SPON1: variants seen among roughly 807,000 people sequenced by gnomAD.
SPON1 encodes spondin-1.
SPON1 carries 52 observed loss-of-function variants against 111.7 expected under a neutral mutation model. That is an observed-to-expected ratio of 0.47 (90% CI 0.37 to 0.59). The LOEUF is 0.59. SPON1 is among the 20% of genes least tolerant of loss of function. The pLI, the probability that SPON1 is intolerant of heterozygous loss-of-function variation, is 0.00. For missense variants in SPON1, 957 were observed against 1,068.5 expected, an observed-to-expected ratio of 0.90 and a Z score of 1.46; for synonymous variants, 410 against 395.8, an observed-to-expected ratio of 1.04 and a Z score of -0.43.
At chr11:14,174,719 C>T (rs1290017173) in intron 6 of SPON1, among the ~76,000 whole-genome samples, 3 of 151,846 alleles carry the variant, frequency 2.0e-5, no homozygotes, top group Non-Finnish European at 4.4e-5. Flanking sequence ...GAAGAAAAAA[C>T]CTTTTTCCAG....
At chr11:14,090,636 G>C (rs1443199790) in intron 5 of SPON1, among the ~76,000 whole-genome samples, 3 of 151,884 alleles carry the variant, frequency 2.0e-5, no homozygotes, top group Non-Finnish European at 4.4e-5. Context: ...CTCGTGGTCT[G>C]GCTGGGCTCA....
intron 3 of SPON1, among the ~76,000 whole-genome samples, chr11:14,072,514 G>A (rs868933885): frequency 4.6e-5 from 7 of 151,912 alleles, no homozygotes; most frequent in South Asian, 2.1e-4. Flanking sequence ...GGGTGATTCC[G>A]GAGAGGAGGC....
chr11:14,043,805 C>T (rs1246346119), intron 3 of SPON1, among the ~76,000 whole-genome samples: 3 of 152,210 alleles, frequency 2.0e-5, no homozygotes, highest in Admixed American at 6.5e-5. Context: ...TAACAATCAA[C>T]GTTATGTGTA....
At chr11:14,115,201 GC>G in intron 5 of SPON1, among the ~76,000 whole-genome samples, 1 of 152,176 alleles carries the variant, frequency 6.6e-6, no homozygotes, top group Non-Finnish European at 1.5e-5. Flanking sequence ...GCCAGAGTGA[GC>G]CTGGAGAGAC....
chr11:13,981,732 G>A (rs1848146294), intron 1 of SPON1, among the ~76,000 whole-genome samples: 1 of 152,232 alleles, frequency 6.6e-6, no homozygotes, highest in Non-Finnish European at 1.5e-5. Flanking sequence ...CACAACATAA[G>A]TTTATTTCCA....
At chr11:14,071,485 A>G (rs921275840) in intron 3 of SPON1, among the ~76,000 whole-genome samples, 1 of 152,044 alleles carries the variant, frequency 6.6e-6, no homozygotes, top group Non-Finnish European at 1.5e-5. Context: ...CAGAGTTACA[A>G]TGCCCTATGT....
chr11:14,123,602 C>T (rs142047628), intron 5 of SPON1, among the ~76,000 whole-genome samples: 1 of 152,298 alleles, frequency 6.6e-6, no homozygotes, highest in East Asian at 1.9e-4. Context: ...TGTAAAGTGT[C>T]ACCCTGCACA....
At chr11:14,158,749 T>C (rs1847877308) in intron 6 of SPON1, among the ~76,000 whole-genome samples, 1 of 152,150 alleles carries the variant, frequency 6.6e-6, no homozygotes, top group African/African-American at 2.4e-5. Context: ...TTTTTTGTAG[T>C]TGTTCTTGGG....
intron 5 of SPON1, among the ~76,000 whole-genome samples, chr11:14,088,033 T>C (rs554706660): frequency 1.3e-5 from 2 of 152,266 alleles, no homozygotes; most frequent in South Asian, 4.2e-4. Context: ...CCTTTGCATG[T>C]GAGATGGGTC....
chr11:14,164,698 G>A (rs1184040336), intron 6 of SPON1, among the ~76,000 whole-genome samples: 1 of 152,140 alleles, frequency 6.6e-6, no homozygotes, highest in Non-Finnish European at 1.5e-5. Context: ...TGCAGAGTTG[G>A]CCATGCAGGA....
intron 6 of SPON1, among the ~76,000 whole-genome samples, chr11:14,142,351 G>A (rs1847666192): frequency 6.6e-6 from 1 of 152,172 alleles, no homozygotes; most frequent in Non-Finnish European, 1.5e-5. Flanking sequence ...TCCAGAGGAT[G>A]AGGCCACAAC....
At chr11:14,090,426 C>T (rs192945436) in intron 5 of SPON1, among the ~76,000 whole-genome samples, 2 of 152,160 alleles carry the variant, frequency 1.3e-5, no homozygotes, top group Non-Finnish European at 2.9e-5. Context: ...AATGAAGCCG[C>T]GGACCCTCGT....
intron 3 of SPON1, among the ~76,000 whole-genome samples, chr11:14,054,726 T>C (rs1340084963): frequency 9.9e-5 from 15 of 152,152 alleles, no homozygotes; most frequent in Non-Finnish European, 1.9e-4. Flanking sequence ...CAATCCCAGA[T>C]GAAAGCCACA....
Position 14,252,486 on chromosome 11 carries a change from A to G in SPON1, c.891-2042A>G, listed in dbSNP as rs1057466525. On this transcript the variant is annotated intron_variant, in intron 7 of 15. Coordinates refer to ENST00000576479, the MANE Select transcript of SPON1 (RefSeq NM_006108.4). The stretch of plus-strand genomic sequence containing the variant: ...TCAGCCGAAGGCAAGACCTGCGCAG[A>G]GTGTGGGAATCCAGCGCTATGTACT... Among the ~76,000 whole-genome samples, 4 of 140,948 alleles carry G rather than the reference A, an allele frequency of 2.8e-5. No individual in the cohort carries two copies. The South Asian group carries it at 9.6e-4, about 34-fold the overall frequency. 92.5% of individuals were successfully genotyped at this position (140,948 alleles called of 152,430 possible). A position where few individuals can be genotyped will look rare whatever the true frequency, so the allele number is the denominator to read the frequency against.
intron 5 of SPON1, 115 bp downstream of exon 5, chr11:14,080,136 C>A: frequency 8.4e-7 from 1 of 1,196,826 alleles, no homozygotes; most frequent in South Asian, 1.4e-5. Flanking sequence ...TTGGCTGGTT[C>A]ATGAAATGCA....
chr11:13,979,664 T>C (rs782168999), intron 1 of SPON1, among the ~76,000 whole-genome samples: 15 of 152,170 alleles, frequency 9.9e-5, no homozygotes, highest in Non-Finnish European at 1.8e-4. Context: ...AGCTGGACCT[T>C]TCATCTTAGG....
chr11:14,126,659 T>TA (rs1410736047), intron 5 of SPON1, among the ~76,000 whole-genome samples: 1 of 152,202 alleles, frequency 6.6e-6, no homozygotes, highest in Non-Finnish European at 1.5e-5. Context: ...GCCATGTCCT[T>TA]ACCTGAAAGC....
At chr11:14,049,732 C>T (rs1848694722) in intron 3 of SPON1, among the ~76,000 whole-genome samples, 1 of 152,106 alleles carries the variant, frequency 6.6e-6, no homozygotes, top group South Asian at 2.1e-4. Flanking sequence ...AACTGAAATC[C>T]AGAAAGCTCT....
intron 6 of SPON1, among the ~76,000 whole-genome samples, chr11:14,150,368 A>G (rs1315328135): frequency 6.6e-6 from 1 of 151,926 alleles, no homozygotes; most frequent in African/African-American, 2.4e-5. Flanking sequence ...TTGCAACTAG[A>G]TAGAAGGAAT....
Sources: gnomAD v4.1 joint callset for allele counts (sites outside exome capture counted in the v4.1 genomes callset) on GRCh38, gnomAD v4.1.1 for gene constraint, MANE v1.5 for transcripts, NCBI Gene and HGNC (gene_info 2026-07-23, HGNC 2026-07-21) for gene names.